LY86: variants seen among roughly 807,000 people sequenced by gnomAD.
The protein encoded by LY86 is lymphocyte antigen 86.
Under a neutral mutation model 17.3 loss-of-function variants are expected in LY86, and 20 were observed. The observed-to-expected ratio is 1.15, with a 90% CI of 0.81 to 1.68. The LOEUF (loss-of-function observed/expected upper bound fraction) is 1.68. LY86 is among the 40% of genes most tolerant of loss of function. The pLI is 0.00. For synonymous variants in LY86, 74 were observed against 70.6 expected, an observed-to-expected ratio of 1.05 and a Z score of -0.24; for missense variants, 200 against 191.9, an observed-to-expected ratio of 1.04 and a Z score of -0.25.
At chr6:6,639,802 G>A (rs1177262084) in intron 3 of LY86, among the ~76,000 whole-genome samples, 1 of 152,156 alleles carries the variant, frequency 6.6e-6, no homozygotes, top group Non-Finnish European at 1.5e-5. Flanking sequence ...TGGGGATTAT[G>A]ATTTGGACCA....
At chr6:6,591,857 GAC>G (rs1478629700) in intron 1 of LY86, among the ~76,000 whole-genome samples, 1 of 152,196 alleles carries the variant, frequency 6.6e-6, no homozygotes, top group Non-Finnish European at 1.5e-5. Flanking sequence ...GTTTGGCAGA[GAC>G]AATGACATGC....
At chr6:6,611,425 G>C (rs768346583) in intron 1 of LY86, among the ~76,000 whole-genome samples, 5 of 152,192 alleles carry the variant, frequency 3.3e-5, no homozygotes, top group South Asian at 2.1e-4. Context: ...CTTTTGTGAG[G>C]ATTTCAGCTA....
At chr6:6,612,250 C>T (rs761299530) in intron 1 of LY86, among the ~76,000 whole-genome samples, 89 of 152,260 alleles carry the variant, frequency 5.8e-4, no homozygotes, top group Admixed American at 3.9e-4. Context: ...AGAGTTTATT[C>T]CTTCTGATGT....
rs1561774408 is a variant in LY86, at chr6:6,595,375, G to GA, written c.136+6506dup. On this transcript the variant is annotated intron_variant, in intron 1 of 4. Transcript: ENST00000230568. ...GAGAGGAGAAGGGGAGAAGAAAGAA[G>GA]AGAGGGGAGAAGAGAAGGAGGAAAA... Among the ~76,000 whole-genome samples, 327 of 98,928 alleles carry GA rather than the reference G, an allele frequency of 3.3e-3. 3 individuals are homozygous for GA. Among genetic ancestry groups the GA allele is most frequent in the African/African-American group, 9.8e-3 (307 of 31,288 alleles). The allele number at this position is 98,928 out of a possible 152,430, so 64.9% of individuals were successfully genotyped here.
intron 1 of LY86, among the ~76,000 whole-genome samples, chr6:6,604,247 C>A (rs1761019972): frequency 1.3e-5 from 2 of 151,968 alleles, no homozygotes; most frequent in African/African-American, 4.8e-5. Flanking sequence ...GAGGAAGAGT[C>A]AGCAAAATTC....
At chr6:6,641,684 C>T (rs571942705) in intron 3 of LY86, among the ~76,000 whole-genome samples, 14 of 152,240 alleles carry the variant, frequency 9.2e-5, no homozygotes, top group Admixed American at 7.8e-4. Context: ...GTACCAGCAG[C>T]CAGGTGGCTA....
intron 3 of LY86, among the ~76,000 whole-genome samples, chr6:6,641,877 A>T (rs1762045576): frequency 6.6e-6 from 1 of 152,230 alleles, no homozygotes; most frequent in South Asian, 2.1e-4. Flanking sequence ...TAAGAGATGC[A>T]TCAGGGAGCT....
chr6:6,633,114 T>C (rs1472125672), intron 3 of LY86, among the ~76,000 whole-genome samples: 1 of 152,196 alleles, frequency 6.6e-6, no homozygotes, highest in Non-Finnish European at 1.5e-5. Context: ...CAAAATTTGG[T>C]TGTAAGATGT....
chr6:6,603,584 CCAAAAA>C (rs1216019838), intron 1 of LY86, among the ~76,000 whole-genome samples: 1 of 58,972 alleles, frequency 1.7e-5, no homozygotes, highest in Admixed American at 2.3e-4. Flanking sequence ...AAAGCCAAAG[CCAAAAA>C]CAAAAACAGA....
At chr6:6,605,868 C>T (rs1002918035) in intron 1 of LY86, among the ~76,000 whole-genome samples, 1 of 150,486 alleles carries the variant, frequency 6.6e-6, no homozygotes, top group Non-Finnish European at 1.5e-5. Flanking sequence ...GCATCTGGAG[C>T]TCTTCGTTTC....
intron 1 of LY86, among the ~76,000 whole-genome samples, chr6:6,596,770 GCCA>G (rs763206920): frequency 6.6e-6 from 1 of 152,108 alleles, no homozygotes; most frequent in Non-Finnish European, 1.5e-5. Flanking sequence ...CTGTGACCAC[GCCA>G]CCAAGATCCT....
At chr6:6,620,011 G>A (rs1761637762) in intron 1 of LY86, among the ~76,000 whole-genome samples, 1 of 152,090 alleles carries the variant, frequency 6.6e-6, no homozygotes, top group South Asian at 2.1e-4. Flanking sequence ...TGAGATTGGA[G>A]GGGGGTCAGC....
chr6:6,588,892 A>C (rs1581225011), intron 1 of LY86, 22 bp downstream of exon 1: 1 of 1,606,220 alleles, frequency 6.2e-7, no homozygotes. Context: ...CAGTACACCC[A>C]TGTGTGTTTA....
Position 6,609,811 on chromosome 6 carries a change from A to G in LY86, c.137-15115A>G, listed in dbSNP as rs1418249844. 7.2e-5 allele frequency among the ~76,000 whole-genome samples: 11 copies of G among 152,200 alleles called. No homozygotes were observed. In the East Asian group the frequency reaches 1.4e-3, roughly 19 times the overall value. On this transcript the variant is annotated intron_variant, in intron 1 of 4. Transcript: ENST00000230568. ...TAGAAAGCATTTAGGAAGCAAACCC[A>G]TAAACATGGATAATTATTGTGTGTC...
In LY86 at chr6:6,593,412, G is replaced by A. The variant is rs572280275; in HGVS notation, c.136+4542G>A. ...TAATCACATCTGCAAAGTCTCTTTT[G>A]CCAAGTAAGATAAGATTCACATGTT... On this transcript the variant is annotated intron_variant, in intron 1 of 4. Transcript: ENST00000230568. Among the ~76,000 whole-genome samples, 4 of 133,324 alleles carry A rather than the reference G, an allele frequency of 3.0e-5. No individual in the cohort carries two copies. The East Asian group carries it at 1.1e-3, about 37-fold the overall frequency. 87.5% of individuals were successfully genotyped at this position (133,324 alleles called of 152,430 possible). A position where few individuals can be genotyped will look rare whatever the true frequency, so the allele number is the denominator to read the frequency against.
chr6:6,603,605 G>C (rs55990342), intron 1 of LY86, among the ~76,000 whole-genome samples: 30,780 of 103,418 alleles, frequency 0.3, 5,305 homozygotes, highest in East Asian at 0.58. Context: ...AACAGAAACA[G>C]AAAAAAAAAC....
At chr6:6,611,274 T>C (rs1761324693) in intron 1 of LY86, among the ~76,000 whole-genome samples, 1 of 152,236 alleles carries the variant, frequency 6.6e-6, no homozygotes, top group Non-Finnish European at 1.5e-5. Flanking sequence ...TCTCTGTGCC[T>C]GAGTTGGTAG....
chr6:6,603,519 G>A (rs1283638443), intron 1 of LY86, among the ~76,000 whole-genome samples: 2 of 149,802 alleles, frequency 1.3e-5, no homozygotes, highest in African/African-American at 2.5e-5. Flanking sequence ...AGCTGAGCTT[G>A]CAATAAAAAA....
intron 3 of LY86, among the ~76,000 whole-genome samples, chr6:6,626,864 T>C (rs1344046300): frequency 6.6e-6 from 1 of 152,112 alleles, no homozygotes; most frequent in Non-Finnish European, 1.5e-5. Flanking sequence ...TCACCACCTT[T>C]CCCACGTGGG....
Sources: gnomAD v4.1 joint callset for allele counts (sites outside exome capture counted in the v4.1 genomes callset) on GRCh38, gnomAD v4.1.1 for gene constraint, MANE v1.5 for transcripts, NCBI Gene and HGNC (gene_info 2026-07-23, HGNC 2026-07-21) for gene names.